The following ITGB8 variants were observed in gnomAD, a reference collection of about 807,000 sequenced individuals.
ITGB8 encodes integrin subunit beta 8.
Under a neutral mutation model 89.5 loss-of-function variants are expected in ITGB8, and 30 were observed. The ratio of observed to expected loss-of-function variants is 0.34; its 90% CI spans 0.25 to 0.45. The LOEUF (loss-of-function observed/expected upper bound fraction) is 0.45, where lower values mean the gene tolerates loss of function less well. ITGB8 is among the 20% of genes least tolerant of loss of function. The probability of loss-of-function intolerance (pLI) is 1.00; values close to 1 mark genes in which losing one functional copy is unlikely to be tolerated. For missense variants in ITGB8, 836 were observed against 933.3 expected (o/e 0.90, Z 1.36); for synonymous variants, 335 against 320.4 (o/e 1.05, Z -0.49).
chr7:20,335,995 GTTTTCTTTTTTTTTTTTTTTT>G (rs1784559520), intron 1 of ITGB8, among the ~76,000 whole-genome samples: 1 of 93,098 alleles, frequency 1.1e-5, no homozygotes, highest in Non-Finnish European at 2.1e-5. Flanking sequence ...TCCAGTCTTG[GTTTTCTTTTTTTTTTTTTTTT>G]TTTTTTTGAG....
chr7:20,395,050 A>C, intron 8 of ITGB8, 65 bp downstream of exon 8: 3 of 898,396 alleles, frequency 3.3e-6, no homozygotes, highest in Non-Finnish European at 5.4e-6. Context: ...GACAAGGTAC[A>C]AAGTAGTGCC....
In ITGB8 at chr7:20,413,252, C is replaced by G. The variant is rs1383070718; in HGVS notation, c.*3255C>G. The G allele has an allele frequency of 1.3e-5, 2 of 152,250 alleles. No homozygotes were observed. The highest frequency in any genetic ancestry group is 2.9e-5 in the Non-Finnish European group (2 of 67,890). The allele number at this position is 152,250 out of a possible 1,614,324, so 9.4% of individuals were successfully genotyped here. The stretch of plus-strand genomic sequence containing the variant: ...TGGTTTATTAAAATAAAAAAAAAAT[C>G]TAAGATTAAACACAGTAGATATCTC... On this transcript the variant is annotated 3_prime_UTR_variant, in exon 14 of 14. Coordinates refer to ENST00000222573, the MANE Select transcript of ITGB8 (RefSeq NM_002214.3).
Position 20,331,610 on chromosome 7 carries a change from A to T in ITGB8, c.-197A>T. The T allele has an allele frequency of 1.9e-6, 1 of 529,662 alleles. No individual in the cohort carries two copies. Among genetic ancestry groups the T allele is most frequent in the Non-Finnish European group, 3.0e-6 (1 of 328,962 alleles). 32.8% of individuals were successfully genotyped at this position (529,662 alleles called of 1,614,324 possible). A position where few individuals can be genotyped will look rare whatever the true frequency, so the allele number is the denominator to read the frequency against. ...CGCCGTGCCGAGCCGGGAGGGCCGC[A>T]GGGGCCCTGAGATGCCGAGCGGTGC... On this transcript the variant is annotated 5_prime_UTR_variant, in exon 1 of 14. Transcript: ENST00000222573.
At chr7:20,382,359 C>G (rs1786434093) in intron 6 of ITGB8, among the ~76,000 whole-genome samples, 1 of 152,136 alleles carries the variant, frequency 6.6e-6, no homozygotes, top group African/African-American at 2.4e-5. Flanking sequence ...CTGTTTTGTA[C>G]TTTACCTCTC....
rs536443166 is a variant in ITGB8, at chr7:20,397,867, A to C, written c.1147-993A>C. Among the ~76,000 whole-genome samples, 18 of 152,362 alleles carry C rather than the reference A, an allele frequency of 1.2e-4. No homozygotes were observed. In the South Asian group the frequency reaches 3.3e-3, roughly 28 times the overall value. Reference sequence around the variant, plus strand: ...ATTGAAGAAGAGAAATCACTCAAGTAAAGAATTAGAAGCCACTGGAAATTA... The same window carrying C: ...ATTGAAGAAGAGAAATCACTCAAGTCAAGAATTAGAAGCCACTGGAAATTA... On this transcript the variant is annotated intron_variant, in intron 8 of 13. Transcript: ENST00000222573.
At position 20,401,971 on chromosome 7, in the gene ITGB8, G is replaced by A; in HGVS notation, c.1532G>A (p.Cys511Tyr). ...FDEDQFSSES[C>Y]KSHKDQPVCS... is the part of the protein sequence containing the mutation. ...GAAGATCAGTTTTCTTCTGAGAGTTGCAAGTCACACAAGGATCAGCCTGTT... is the reference window on the plus strand; with the variant it reads ...GAAGATCAGTTTTCTTCTGAGAGTTACAAGTCACACAAGGATCAGCCTGTT... The change falls in exon 10 of 14, where the codon TGC becomes TAC. Residue 511 changes from cysteine to tyrosine, a missense_variant. Cys to Tyr is a radical substitution (Grantham distance 194). This residue lies in a region of ITGB8 where 422 missense variants were observed against 416.9 expected (regional missense o/e 1.01). Coordinates refer to ENST00000222573, the MANE Select transcript of ITGB8 (RefSeq NM_002214.3). 6.2e-7 allele frequency: 1 copy of A among 1,614,176 alleles called. No homozygotes were observed. Among genetic ancestry groups the A allele is most frequent in the South Asian group, 1.1e-5 (1 of 91,084 alleles).
At chr7:20,387,209 T>C (rs1786660892) in intron 6 of ITGB8, among the ~76,000 whole-genome samples, 1 of 152,236 alleles carries the variant, frequency 6.6e-6, no homozygotes, top group African/African-American at 2.4e-5. Context: ...GCTTTACTTC[T>C]ACTTTATAAA....
chr7:20,346,602 A>C, intron 1 of ITGB8: 1 of 531,920 alleles, frequency 1.9e-6, no homozygotes, highest in Non-Finnish European at 2.4e-6. Flanking sequence ...TAGGGAAGGA[A>C]GAGACAAGGT....
rs1786348753 is a variant in ITGB8, at chr7:20,380,828, T to C, written c.798T>C (p.Cys266=). 1 of 1,610,876 alleles carries C rather than the reference T, an allele frequency of 6.2e-7. No homozygotes were observed. The highest frequency in any genetic ancestry group is 8.5e-7 in the Non-Finnish European group (1 of 1,178,334). The change falls in exon 5 of 14, where the codon TGT becomes TGC. Residue 266 remains cysteine, a synonymous_variant. Transcript: ENST00000222573. ...ACGCCATGCTTCAGGCAGCTGTCTGTGAAGTAAGACGTTTCACATGATCGA... is the reference window on the plus strand; with the variant it reads ...ACGCCATGCTTCAGGCAGCTGTCTGCGAAGTAAGACGTTTCACATGATCGA... The part of the protein sequence containing the change: ...GFDAMLQAAV[C]ESHIGWRKEA...
In ITGB8 at chr7:20,349,639, C is replaced by T. The variant is rs116652611; in HGVS notation, c.128-13998C>T. The stretch of plus-strand genomic sequence containing the variant: ...TATGTAAATCAAATGCCGTATATGC[C>T]GTATAGGGATAAACAACTTTAACCA... On this transcript the variant is annotated intron_variant, in intron 1 of 13. Coordinates refer to ENST00000222573, the MANE Select transcript of ITGB8 (RefSeq NM_002214.3). 6.5e-3 allele frequency among the ~76,000 whole-genome samples: 983 copies of T among 151,958 alleles called. 16 individuals carry two copies. Among genetic ancestry groups the T allele is most frequent in the African/African-American group, 0.021 (865 of 41,446 alleles).
In ITGB8 at chr7:20,380,674, A is replaced by G. The variant is rs1332113756; in HGVS notation, c.644A>G (p.Asn215Ser). 1.2e-6 allele frequency: 2 copies of G among 1,613,292 alleles called. No homozygotes were observed. The highest frequency in any genetic ancestry group is 1.7e-5 in the Admixed American group (1 of 59,962). ...CTTCTTTTCCCACACAGTGACTACA[A>G]TTTAGACTGCATGCCTCCCCATGGA... The part of the protein sequence containing the change: ...ERIHNQCSDY[N>S]LDCMPPHGYI... The change falls in exon 5 of 14, where the codon AAT becomes AGT. Residue 215 changes from asparagine to serine, a missense_variant. Asn to Ser is a conservative substitution (Grantham distance 46). Around this residue, in one of 5 missense-constraint regions of ITGB8, gnomAD observed 192 missense variants for 267.1 expected, o/e 0.72. Coordinates refer to ENST00000222573, the MANE Select transcript of ITGB8 (RefSeq NM_002214.3).
intron 3 of ITGB8, among the ~76,000 whole-genome samples, chr7:20,375,108 C>G (rs1786084553): frequency 6.6e-6 from 1 of 152,048 alleles, no homozygotes; most frequent in African/African-American, 2.4e-5. Context: ...AGATTCTTAA[C>G]TCTTAAACCC....
intron 9 of ITGB8, among the ~76,000 whole-genome samples, chr7:20,401,302 AG>A (rs1291122890): frequency 1.1e-4 from 17 of 152,306 alleles, no homozygotes; most frequent in African/African-American, 4.1e-4. Flanking sequence ...TTAAACCAGT[AG>A]AGCAGAAGCC....
At chr7:20,373,714 G>T (rs1011134185) in intron 3 of ITGB8, among the ~76,000 whole-genome samples, 27 of 152,172 alleles carry the variant, frequency 1.8e-4, no homozygotes, top group African/African-American at 6.0e-4. Context: ...TCCCATTTGG[G>T]GGCCCTTCTC....
rs1258044854 is a variant in ITGB8, at chr7:20,410,606, T to C, written c.*609T>C. 1 of 152,516 alleles carries C rather than the reference T, an allele frequency of 6.6e-6. No individual in the cohort carries two copies. The highest frequency in any genetic ancestry group is 6.5e-5 in the Admixed American group (1 of 15,292). The allele number at this position is 152,516 out of a possible 1,614,324, so 9.4% of individuals were successfully genotyped here. On this transcript the variant is annotated 3_prime_UTR_variant, in exon 14 of 14. Coordinates refer to ENST00000222573, the MANE Select transcript of ITGB8 (RefSeq NM_002214.3). ...TGCATGTGTGTTTATGGTTTGCTTA[T>C]TTTTGCAAGATGGATACTAATTCCA...
chr7:20,396,580 T>C (rs1222421987), intron 8 of ITGB8, among the ~76,000 whole-genome samples: 1 of 152,010 alleles, frequency 6.6e-6, no homozygotes, highest in African/African-American at 2.4e-5. Context: ...AATTACATCT[T>C]TCTCACTGTT....
chr7:20,347,423 G>A (rs1784964860), intron 1 of ITGB8, among the ~76,000 whole-genome samples: 2 of 152,160 alleles, frequency 1.3e-5, no homozygotes, highest in African/African-American at 2.4e-5. Context: ...TTACATTAAA[G>A]CAAATGATCG....
At chr7:20,400,801 T>A (rs892403532) in intron 9 of ITGB8, among the ~76,000 whole-genome samples, 2 of 152,134 alleles carry the variant, frequency 1.3e-5, no homozygotes, top group African/African-American at 4.8e-5. Flanking sequence ...GATTTGCAAA[T>A]GAGAGTCCTA....
intron 11 of ITGB8, among the ~76,000 whole-genome samples, chr7:20,405,323 A>G (rs1393989930): frequency 6.8e-6 from 1 of 146,140 alleles, no homozygotes; most frequent in Non-Finnish European, 1.5e-5. Flanking sequence ...TAATATATAT[A>G]TATATTTTTT....
Sources: allele counts gnomAD v4.1 joint callset (sites outside exome capture counted in the v4.1 genomes callset), GRCh38; gene constraint gnomAD v4.1.1; regional missense constraint gnomAD v4.1.1; transcripts MANE v1.5; gene names NCBI Gene and HGNC (gene_info 2026-07-23, HGNC 2026-07-21).